CDH18: variants seen among roughly 807,000 people sequenced by gnomAD.
CDH18 encodes the protein cadherin-18.
Under a neutral mutation model 67.9 loss-of-function variants are expected in CDH18, and 31 were observed. The observed-to-expected ratio is 0.46, with a 90% CI of 0.34 to 0.62. The LOEUF (loss-of-function observed/expected upper bound fraction) is 0.62. Ranked by LOEUF, CDH18 falls within the 20% of genes least tolerant of loss-of-function variation. The pLI is 0.01. For missense variants in CDH18, 890 were observed against 975.5 expected (o/e 0.91, Z 1.17); for synonymous variants, 362 against 347.2 (o/e 1.04, Z -0.48).
intron 1 of CDH18, among the ~76,000 whole-genome samples, chr5:20,447,340 T>G (rs1020379046): frequency 6.6e-6 from 1 of 151,776 alleles, no homozygotes; most frequent in African/African-American, 2.4e-5. Context: ...GATTAGGCCA[T>G]GAGGACTTCT....
intron 1 of CDH18, among the ~76,000 whole-genome samples, chr5:20,553,383 C>T (rs141876766): frequency 6.6e-6 from 1 of 152,116 alleles, no homozygotes; most frequent in African/African-American, 2.4e-5. Flanking sequence ...ATAGCATTAG[C>T]ACTCTTCTGT....
At chr5:19,590,970 AGCG>A in intron 7 of CDH18, 84 bp downstream of exon 7, 1 of 681,556 alleles carries the variant, frequency 1.5e-6, no homozygotes, top group Non-Finnish European at 2.5e-6. Context: ...ATGGCCTGAC[AGCG>A]TGGATTATTC....
chr5:19,906,188 A>G (rs1025445445), intron 2 of CDH18, among the ~76,000 whole-genome samples: 13 of 151,998 alleles, frequency 8.6e-5, no homozygotes, highest in Non-Finnish European at 5.9e-5. Context: ...CATGAATTCC[A>G]TGATAGCAGG....
chr5:20,211,295 G>A (rs1740333487), intron 2 of CDH18, among the ~76,000 whole-genome samples: 1 of 152,134 alleles, frequency 6.6e-6, no homozygotes, highest in Non-Finnish European at 1.5e-5. Context: ...GCCTGCCTCT[G>A]TAGACTCCAC....
At chr5:19,610,836 T>G (rs1186662069) in intron 6 of CDH18, among the ~76,000 whole-genome samples, 1 of 152,122 alleles carries the variant, frequency 6.6e-6, no homozygotes, top group Non-Finnish European at 1.5e-5. Context: ...CAAAATGGTT[T>G]AAAATTTAAT....
intron 2 of CDH18, among the ~76,000 whole-genome samples, chr5:19,850,046 C>G (rs765232452): frequency 3.3e-5 from 5 of 151,614 alleles, no homozygotes; most frequent in Non-Finnish European, 5.9e-5. Flanking sequence ...GTGTCATGGC[C>G]TTTGAGACAT....
At chr5:19,980,096 T>C (rs888490720) in intron 2 of CDH18, among the ~76,000 whole-genome samples, 9 of 152,096 alleles carry the variant, frequency 5.9e-5, no homozygotes, top group African/African-American at 2.2e-4. Flanking sequence ...ACTGATAATA[T>C]AATTCAGAAA....
intron 2 of CDH18, among the ~76,000 whole-genome samples, chr5:19,978,473 C>T (rs893591880): frequency 1.3e-5 from 2 of 152,024 alleles, no homozygotes; most frequent in Non-Finnish European, 2.9e-5. Flanking sequence ...ACTTCAGAAA[C>T]TCAATATGCT....
chr5:19,885,167 G>A (rs891536042), intron 2 of CDH18, among the ~76,000 whole-genome samples: 1 of 152,150 alleles, frequency 6.6e-6, no homozygotes, highest in African/African-American at 2.4e-5. Context: ...ACATATCAAA[G>A]TTCAAAATCT....
intron 9 of CDH18, among the ~76,000 whole-genome samples, chr5:19,537,561 T>C (rs1265950061): frequency 6.6e-6 from 1 of 152,126 alleles, no homozygotes; most frequent in Non-Finnish European, 1.5e-5. Flanking sequence ...GAAGAGAATA[T>C]GCAGGGCAAC....
At chr5:19,961,010 C>A (rs114348647) in intron 2 of CDH18, among the ~76,000 whole-genome samples, 1,775 of 151,574 alleles carry the variant, frequency 0.012, 35 homozygotes, top group African/African-American at 0.041. Flanking sequence ...TTTATACCAT[C>A]ATCACCACAA....
At chr5:19,868,279 A>G (rs934369417) in intron 2 of CDH18, among the ~76,000 whole-genome samples, 1 of 152,098 alleles carries the variant, frequency 6.6e-6, no homozygotes, top group Non-Finnish European at 1.5e-5. Context: ...ACCACCCCCT[A>G]TCTCTGTGGG....
intron 2 of CDH18, among the ~76,000 whole-genome samples, chr5:20,049,746 C>G (rs569495378): frequency 6.6e-6 from 1 of 151,630 alleles, no homozygotes; most frequent in East Asian, 1.9e-4. Flanking sequence ...ATATGGCGAC[C>G]AGAAAGGATA....
chr5:20,297,499 G>A (rs1002993627), intron 1 of CDH18, among the ~76,000 whole-genome samples: 39 of 152,112 alleles, frequency 2.6e-4, no homozygotes, highest in African/African-American at 8.7e-4. Context: ...CCTATGCAAC[G>A]AAAGAAACAA....
chr5:19,860,355 C>A (rs1784761645), intron 2 of CDH18, among the ~76,000 whole-genome samples: 2 of 151,428 alleles, frequency 1.3e-5, no homozygotes, highest in Admixed American at 1.3e-4. Flanking sequence ...TCTCCAAATC[C>A]TTCCAAGTTT....
intron 2 of CDH18, among the ~76,000 whole-genome samples, chr5:19,905,217 G>T (rs886197651): frequency 6.6e-6 from 1 of 152,066 alleles, no homozygotes; most frequent in African/African-American, 2.4e-5. Context: ...GCCAAGTTCT[G>T]CAATAATACT....
intron 1 of CDH18, among the ~76,000 whole-genome samples, chr5:20,546,978 T>C (rs1304033095): frequency 6.6e-6 from 1 of 152,158 alleles, no homozygotes; most frequent in African/African-American, 2.4e-5. Flanking sequence ...TTGCTTGTGT[T>C]TGATGGAAGA....
At chr5:20,360,167 A>G (rs969304039) in intron 1 of CDH18, among the ~76,000 whole-genome samples, 19 of 143,152 alleles carry the variant, frequency 1.3e-4, no homozygotes, top group African/African-American at 5.2e-4. Context: ...TATTGTAACT[A>G]TAATAAACCA....
At chr5:19,549,902 G>C (rs772808640) in intron 8 of CDH18, among the ~76,000 whole-genome samples, 2 of 152,014 alleles carry the variant, frequency 1.3e-5, no homozygotes, top group Non-Finnish European at 2.9e-5. Flanking sequence ...AAAATTCCAA[G>C]GCATAAAAGC....
Sources: allele counts gnomAD v4.1 joint callset (sites outside exome capture counted in the v4.1 genomes callset), GRCh38; gene constraint gnomAD v4.1.1; transcripts MANE v1.5; gene names NCBI Gene and HGNC (gene_info 2026-07-23, HGNC 2026-07-21).